Variants in UST observed in about 807,000 individuals in gnomAD.
UST encodes the protein uronyl 2-sulfotransferase, also known as chondroitin sulfate 2-O-sulfotransferase.
A neutral mutation model predicts 45.6 loss-of-function variants in UST; 21 were observed. The ratio of observed to expected loss-of-function variants is 0.46; its 90% CI spans 0.33 to 0.66. The LOEUF (loss-of-function observed/expected upper bound fraction) is 0.66. Ranked by LOEUF, UST falls within the 30% of genes least tolerant of loss-of-function variation. UST has a pLI of 0.02. For synonymous variants in UST, 215 were observed against 200.6 expected (o/e 1.07, Z -0.61); for missense variants, 463 against 512.4 (o/e 0.90, Z 0.93).
intron 2 of UST, among the ~76,000 whole-genome samples, chr6:148,913,423 CTTTTTTTTTTTTTT>C (rs34110477): frequency 2.5e-5 from 2 of 79,880 alleles, no homozygotes; most frequent in South Asian, 5.1e-4. Context: ...GACCAAAAAT[CTTTTTTTTTTTTTT>C]TTTTTTTTTT....
intron 7 of UST, among the ~76,000 whole-genome samples, chr6:149,073,300 G>T (rs538384131): frequency 6.6e-5 from 10 of 152,286 alleles, no homozygotes; most frequent in African/African-American, 2.4e-4. Flanking sequence ...TTAAAAATTT[G>T]TAAATTATAC....
chr6:149,019,229 A>G lies in UST; in HGVS notation c.772A>G (p.Arg258Gly). ...IIPYFCGQHP[R>G]CREPGEWALE... ...TCCGTACTTTTGTGGACAGCATCCC[A>G]GATGCAGGTAAGGGCTAAAGCAGGG... The change falls in exon 6 of 8, where the codon AGA becomes GGA. Residue 258 changes from arginine to glycine, a missense_variant. By Grantham distance (125) the Arg-to-Gly change is moderately radical. Around this residue, in one of 2 missense-constraint regions of UST, gnomAD observed 287 missense variants for 374.2 expected, o/e 0.77. Transcript: ENST00000367463. The G allele has an allele frequency of 3.1e-6, 5 of 1,613,792 alleles. No individual in the cohort carries two copies. In the South Asian group the frequency reaches 5.5e-5, roughly 18 times the overall value.
intron 7 of UST, among the ~76,000 whole-genome samples, chr6:149,023,290 T>C (rs1279822285): frequency 6.6e-6 from 1 of 152,182 alleles, no homozygotes. Flanking sequence ...TGCTCAGTCA[T>C]TTGCTCTGAG....
chr6:148,842,790 G>A (rs377122019), intron 1 of UST, among the ~76,000 whole-genome samples: 6 of 152,240 alleles, frequency 3.9e-5, no homozygotes, highest in South Asian at 2.1e-4. Flanking sequence ...CGTGGCCCTC[G>A]TCTGTATATT....
chr6:148,788,019 T>C lies in UST; in HGVS notation c.247+40342T>C, dbSNP rs377167013. 1.1e-4 allele frequency among the ~76,000 whole-genome samples: 17 copies of C among 152,308 alleles called. No homozygotes were observed. The East Asian group carries it at 3.1e-3, about 28-fold the overall frequency. On this transcript the variant is annotated intron_variant, in intron 1 of 7. Transcript: ENST00000367463. The stretch of plus-strand genomic sequence containing the variant: ...CTGCTGATAAAGATGTACCCGAGAC[T>C]GGGAAGAAAAAGAGGTTTAATGGAC...
chr6:148,959,848 G>T (rs544796871), intron 4 of UST, among the ~76,000 whole-genome samples: 1 of 151,420 alleles, frequency 6.6e-6, no homozygotes, highest in Non-Finnish European at 1.5e-5. Context: ...GATGGTGGGC[G>T]GAGGGGAGTC....
chr6:148,969,445 G>C (rs1011419928), intron 5 of UST, among the ~76,000 whole-genome samples: 3 of 152,152 alleles, frequency 2.0e-5, no homozygotes, highest in Non-Finnish European at 4.4e-5. Context: ...AGCTGCCTTA[G>C]CTGGGTGACT....
chr6:148,953,808 C>T (rs1414137103), intron 3 of UST, 64 bp from the exon 4 acceptor site: 1 of 978,618 alleles, frequency 1.0e-6, no homozygotes, highest in Non-Finnish European at 1.5e-6. Flanking sequence ...GATACATAAC[C>T]TTTAACTTAA....
intron 1 of UST, among the ~76,000 whole-genome samples, chr6:148,875,311 T>C (rs925519064): frequency 2.0e-5 from 3 of 152,220 alleles, no homozygotes; most frequent in African/African-American, 7.2e-5. Flanking sequence ...TGGAAGTTCA[T>C]TTGCATATTG....
At position 148,747,140 on chromosome 6, in the gene UST, G is replaced by C. The variant is rs1298154802; in HGVS notation, c.-291G>C. On this transcript the variant is annotated 5_prime_UTR_variant, in exon 1 of 8. Transcript: ENST00000367463. ...GCGGCCGCAAGCGAGCCCGAGGCGCGGCGGGGCGCGGGGCGTGGGGACGCT... is the reference window on the plus strand; with the variant it reads ...GCGGCCGCAAGCGAGCCCGAGGCGCCGCGGGGCGCGGGGCGTGGGGACGCT... Among the ~76,000 whole-genome samples the C allele has an allele frequency of 1.3e-5, 2 of 149,716 alleles. No homozygotes were observed. The highest frequency in any genetic ancestry group is 3.0e-5 in the Non-Finnish European group (2 of 67,090).
At chr6:148,780,315 A>C (rs1562255226) in intron 1 of UST, among the ~76,000 whole-genome samples, 1 of 152,258 alleles carries the variant, frequency 6.6e-6, no homozygotes, top group East Asian at 1.9e-4. Context: ...CCAGAGGTAC[A>C]TGTGCAGGTT....
intron 7 of UST, 59 bp from the exon 8 acceptor site, chr6:149,073,774 G>C: frequency 6.4e-7 from 1 of 1,571,482 alleles, no homozygotes; most frequent in Non-Finnish European, 8.6e-7. Flanking sequence ...GGTCCTCGCC[G>C]GGATCCCTTC....
intron 1 of UST, among the ~76,000 whole-genome samples, chr6:148,761,407 C>T (rs1361959630): frequency 6.6e-6 from 1 of 152,080 alleles, no homozygotes; most frequent in Admixed American, 6.5e-5. Flanking sequence ...AGTATTTTCT[C>T]AGTCTTTGAG....
intron 1 of UST, among the ~76,000 whole-genome samples, chr6:148,835,401 A>G (rs1777768863): frequency 6.6e-6 from 1 of 152,156 alleles, no homozygotes; most frequent in South Asian, 2.1e-4. Context: ...GAAGGTGGTC[A>G]ACAGTCTATT....
intron 1 of UST, among the ~76,000 whole-genome samples, chr6:148,759,057 G>A (rs1223337345): frequency 2.0e-5 from 3 of 152,144 alleles, no homozygotes; most frequent in African/African-American, 4.8e-5. Context: ...AGTCATGTGA[G>A]CCTCCAAGGC....
At chr6:148,784,063 C>T (rs1384794868) in intron 1 of UST, among the ~76,000 whole-genome samples, 1 of 152,092 alleles carries the variant, frequency 6.6e-6, no homozygotes, top group Non-Finnish European at 1.5e-5. Flanking sequence ...TATCACGAAA[C>T]CCCAACCCTC....
intron 1 of UST, among the ~76,000 whole-genome samples, chr6:148,836,551 G>C (rs1416761081): frequency 6.6e-6 from 1 of 152,182 alleles, no homozygotes; most frequent in Non-Finnish European, 1.5e-5. Flanking sequence ...GAACTTCTCT[G>C]AGCATTGGAT....
At chr6:149,027,410 G>A (rs1776065462) in intron 7 of UST, among the ~76,000 whole-genome samples, 2 of 152,150 alleles carry the variant, frequency 1.3e-5, no homozygotes, top group African/African-American at 4.8e-5. Context: ...ATATGACCAG[G>A]GGCAAATCCA....
intron 1 of UST, among the ~76,000 whole-genome samples, chr6:148,866,368 A>G (rs1402941450): frequency 6.6e-6 from 1 of 151,532 alleles, no homozygotes; most frequent in African/African-American, 2.4e-5. Context: ...AAGGACGTCA[A>G]CTATGGGCTG....
Sources: gnomAD v4.1 joint callset for allele counts (sites outside exome capture counted in the v4.1 genomes callset) on GRCh38, gnomAD v4.1.1 for gene constraint, gnomAD v4.1.1 regional missense constraint, MANE v1.5 for transcripts, NCBI Gene and HGNC (gene_info 2026-07-23, HGNC 2026-07-21) for gene names.